COBL: variants seen among roughly 807,000 people sequenced by gnomAD.
The protein encoded by COBL is cordon-bleu WH2 repeat protein, also known as protein cordon-bleu.
Under a neutral mutation model 98.8 loss-of-function variants are expected in COBL, and 51 were observed. That is an observed-to-expected ratio of 0.52 (90% CI 0.41 to 0.65). The LOEUF is 0.65. Ranked by LOEUF, COBL falls within the 30% of genes least tolerant of loss-of-function variation. COBL has a pLI of 0.00. For missense variants in COBL, 1,617 were observed against 1,617.5 expected (o/e 1.00, Z 0.01); for synonymous variants, 634 against 651.7 (o/e 0.97, Z 0.41).
At chr7:51,313,472 T>C (rs1245382617) in intron 1 of COBL, among the ~76,000 whole-genome samples, 1 of 152,260 alleles carries the variant, frequency 6.6e-6, no homozygotes, top group Non-Finnish European at 1.5e-5. Flanking sequence ...ATAACAGCTA[T>C]GTGTACATGA....
intron 5 of COBL, among the ~76,000 whole-genome samples, chr7:51,182,054 T>C (rs1432605051): frequency 6.6e-6 from 1 of 152,124 alleles, no homozygotes; most frequent in Non-Finnish European, 1.5e-5. Flanking sequence ...TTTCTGGCCA[T>C]TTCATCTTTT....
In COBL at chr7:51,043,557, C is replaced by T; in HGVS notation, c.1232G>A (p.Ser411Asn). ...EDTTEDSGVM[S>N]SPSDIVSLDS... ...CAGAGAGACGATGTCTGAGGGGGAA[C>T]TCATCACTCCTGAGTCCTCGGTCGT... The change falls in exon 8 of 13, where the codon AGT (serine) becomes AAT (asparagine). Residue 411 changes from serine to asparagine, a missense_variant. Transcript: ENST00000265136. The T allele has an allele frequency of 6.2e-7, 1 of 1,614,228 alleles. No homozygotes were observed. The highest frequency in any genetic ancestry group is 8.5e-7 in the Non-Finnish European group (1 of 1,180,036).
intron 2 of COBL, among the ~76,000 whole-genome samples, chr7:51,197,780 C>CT (rs1173407474): frequency 2.0e-5 from 3 of 152,198 alleles, no homozygotes; most frequent in African/African-American, 7.2e-5. Context: ...CCTTCTTTGT[C>CT]TTTTTTTATC....
At chr7:51,260,480 T>C (rs185685176) in intron 1 of COBL, among the ~76,000 whole-genome samples, 1 of 152,340 alleles carries the variant, frequency 6.6e-6, no homozygotes, top group Admixed American at 6.5e-5. Flanking sequence ...CTGATGCAAG[T>C]CCATCACTGG....
chr7:51,302,219 C>T (rs1802041144), intron 1 of COBL, among the ~76,000 whole-genome samples: 1 of 152,146 alleles, frequency 6.6e-6, no homozygotes, highest in East Asian at 1.9e-4. Flanking sequence ...CATTTCCTAG[C>T]AGTTAAGTTT....
Position 51,221,173 on chromosome 7 carries a change from C to T in COBL, c.42-1229G>A, listed in dbSNP as rs142275158. Among the ~76,000 whole-genome samples the T allele has an allele frequency of 7.8e-4, 119 of 152,230 alleles. 1 individual carries two copies. The East Asian group carries it at 0.018, about 23-fold the overall frequency. ...TGGCTGACTCCAGAGGGTTTGCTCC[C>T]GCTGCCTCCCTCCCGCTCTGGCCAT... On this transcript the variant is annotated intron_variant, in intron 1 of 12. Transcript: ENST00000265136.
intron 6 of COBL, among the ~76,000 whole-genome samples, chr7:51,113,935 G>A (rs1034535403): frequency 2.6e-5 from 4 of 152,170 alleles, no homozygotes; most frequent in African/African-American, 9.7e-5. Context: ...ATCACTCCTT[G>A]CCCTCTATAG....
chr7:51,134,867 G>A (rs1426328401), intron 6 of COBL, among the ~76,000 whole-genome samples: 1 of 152,134 alleles, frequency 6.6e-6, no homozygotes, highest in African/African-American at 2.4e-5. Flanking sequence ...GGTACCATTT[G>A]TGCCTAAATT....
chr7:51,067,001 G>A (rs1372458460), intron 7 of COBL, among the ~76,000 whole-genome samples: 1 of 152,182 alleles, frequency 6.6e-6, no homozygotes, highest in Non-Finnish European at 1.5e-5. Context: ...TCATAAATTA[G>A]GCACCAAACA....
intron 1 of COBL, among the ~76,000 whole-genome samples, chr7:51,222,314 T>C (rs2129091713): frequency 6.6e-6 from 1 of 152,336 alleles, no homozygotes; most frequent in South Asian, 2.1e-4. Context: ...GTTATATCTT[T>C]ATCCATTATA....
At position 51,046,072 on chromosome 7, in the gene COBL, G is replaced by A. The variant is rs1291992370; in HGVS notation, c.1097-2380C>T. Among the ~76,000 whole-genome samples the A allele has an allele frequency of 3.3e-5, 5 of 150,376 alleles. No individual in the cohort carries two copies. In the South Asian group the frequency reaches 1.1e-3, roughly 32 times the overall value. ...TGCAGAAGCAGGTGGGGGTGGGGGG[G>A]CCTGCTCTCAGGAGGTTTATCTGCG... On this transcript the variant is annotated intron_variant, in intron 7 of 12. Transcript: ENST00000265136.
intron 6 of COBL, among the ~76,000 whole-genome samples, chr7:51,093,868 T>C (rs778507372): frequency 6.6e-6 from 1 of 150,626 alleles, no homozygotes; most frequent in Non-Finnish European, 1.5e-5. Flanking sequence ...CATTCCAGCC[T>C]GGGCGATGGC....
intron 1 of COBL, among the ~76,000 whole-genome samples, chr7:51,268,429 C>A (rs1420567890): frequency 2.0e-5 from 3 of 152,174 alleles, no homozygotes; most frequent in African/African-American, 4.8e-5. Flanking sequence ...CTTCCACCCA[C>A]TGGACACTTA....
Position 51,028,366 on chromosome 7 carries a change from C to T in COBL, c.2730G>A (p.Val910=), listed in dbSNP as rs780011828. 2 of 1,614,256 alleles carry T rather than the reference C, an allele frequency of 1.2e-6. No individual in the cohort carries two copies. The highest frequency in any genetic ancestry group is 1.7e-5 in the Admixed American group (1 of 60,030). The change falls in exon 10 of 13, where the codon GTG becomes GTA. Residue 910 remains valine, a synonymous_variant. Transcript: ENST00000265136. The part of the protein sequence containing the change: ...APVLAAPPVT[V]KDDRTSSPHS... ...GTGGGCTGGATGTCCTGTCATCTTT[C>T]ACAGTGACAGGTGGTGCAGCCAGCA...
chr7:51,160,838 C>T (rs1330109279), intron 5 of COBL, among the ~76,000 whole-genome samples: 1 of 152,076 alleles, frequency 6.6e-6, no homozygotes, highest in Non-Finnish European at 1.5e-5. Context: ...GACTTGTAGG[C>T]ACTGGACATG....
At chr7:51,301,521 G>A (rs1387032702) in intron 1 of COBL, among the ~76,000 whole-genome samples, 1 of 152,196 alleles carries the variant, frequency 6.6e-6, no homozygotes, top group African/African-American at 2.4e-5. Flanking sequence ...TGTCCTACCA[G>A]CCGTCCCTGC....
chr7:51,099,427 A>T (rs539749959), intron 6 of COBL, among the ~76,000 whole-genome samples: 12 of 152,322 alleles, frequency 7.9e-5, no homozygotes, highest in Middle Eastern at 3.4e-3. Context: ...TTATCAAGGA[A>T]ATTCTGACAC....
chr7:51,068,981 T>G (rs1792247018), intron 7 of COBL, among the ~76,000 whole-genome samples: 1 of 152,158 alleles, frequency 6.6e-6, no homozygotes, highest in African/African-American at 2.4e-5. Context: ...GTGCAGTGAG[T>G]GACAGTTCCA....
chr7:51,038,617 C>T (rs1030595731), intron 8 of COBL, among the ~76,000 whole-genome samples: 1 of 152,168 alleles, frequency 6.6e-6, no homozygotes, highest in Non-Finnish European at 1.5e-5. Context: ...GTTCCCAAAC[C>T]GTGTTTAGTG....
Sources: allele counts gnomAD v4.1 joint callset (sites outside exome capture counted in the v4.1 genomes callset), GRCh38; gene constraint gnomAD v4.1.1; transcripts MANE v1.5; gene names NCBI Gene and HGNC (gene_info 2026-07-23, HGNC 2026-07-21).